The following NBAS variants were observed in gnomAD, a reference collection of about 807,000 sequenced individuals.
NBAS encodes NAG/BC035112 fusion.
In NBAS, 219 loss-of-function variants were observed where a neutral mutation model predicts 302.5. The observed-to-expected ratio is 0.72, with a 90% CI of 0.65 to 0.81. The LOEUF is 0.81. NBAS is among the 30% of genes least tolerant of loss of function. The pLI is 0.00. For synonymous variants in NBAS, 1,118 were observed against 1,021.6 expected (o/e 1.09, Z -1.80); for missense variants, 2,932 against 2,841.6 (o/e 1.03, Z -0.72).
At position 15,338,666 on chromosome 2, in the gene NBAS, CACACACAT is replaced by C. The variant is rs1407307254; in HGVS notation, c.4180-7909_4180-7902del. On this transcript the variant is annotated intron_variant, in intron 35 of 51. Coordinates refer to ENST00000281513, the MANE Select transcript of NBAS (RefSeq NM_015909.4). Reference sequence around the variant, plus strand: ...GCATGTGCACTCACATGAATACAAACACACACATACACACACACACACACACACACACA... The same window carrying C: ...GCATGTGCACTCACATGAATACAAACACACACACACACACACACACACACA... Among the ~76,000 whole-genome samples the C allele has an allele frequency of 1.0e-4, 12 of 119,376 alleles. No homozygotes were observed. The South Asian group carries it at 3.4e-3, about 33-fold the overall frequency. The allele number at this position is 119,376 out of a possible 152,430, so 78.3% of individuals were successfully genotyped here.
At chr2:15,011,007 C>T in the NBAS span, among the ~76,000 whole-genome samples, 2 of 152,090 alleles carry the variant, frequency 1.3e-5, no homozygotes, top group Non-Finnish European at 2.9e-5. Flanking sequence ...AATTTTCAAG[C>T]CATTGATTTG....
intron 12 of NBAS, among the ~76,000 whole-genome samples, chr2:15,480,295 C>T (rs1177548424): frequency 2.6e-5 from 4 of 151,634 alleles, no homozygotes; most frequent in Admixed American, 1.3e-4. Context: ...AAGCTATGAT[C>T]ACACCACCAC....
the NBAS span, among the ~76,000 whole-genome samples, chr2:14,973,377 G>A: frequency 1.2e-3 from 187 of 152,248 alleles, no homozygotes; most frequent in African/African-American, 4.2e-3. Context: ...CCTCTACGAA[G>A]AAATGACAAT....
intron 29 of NBAS, 134 bp from the exon 30 acceptor site, chr2:15,379,965 A>G (rs1254643516): frequency 1.4e-6 from 1 of 706,048 alleles, no homozygotes; most frequent in East Asian, 2.7e-5. Flanking sequence ...ACAGCACTGT[A>G]AATGTACTAA....
intron 50 of NBAS, among the ~76,000 whole-genome samples, chr2:15,180,859 G>A (rs1006832762): frequency 2.0e-5 from 3 of 152,186 alleles, no homozygotes; most frequent in Non-Finnish European, 4.4e-5. Flanking sequence ...TGCACATAGT[G>A]TAACTTTTGC....
chr2:15,276,884 G>T lies in NBAS; in HGVS notation c.5356C>A (p.Arg1786=), dbSNP rs556229592. 6.2e-7 allele frequency: 1 copy of T among 1,614,002 alleles called. No homozygotes were observed. The highest frequency in any genetic ancestry group is 8.5e-7 in the Non-Finnish European group (1 of 1,179,950). The change falls in exon 43 of 52, where the codon CGA becomes AGA. Residue 1786 remains arginine (R), a synonymous_variant. Coordinates refer to ENST00000281513, the MANE Select transcript of NBAS (RefSeq NM_015909.4). ...NCAIKPETHI[R]LLKKFKVVAS... is the part of the protein sequence containing the mutation. The stretch of plus-strand genomic sequence containing the variant: ...ACAACCTTAAACTTCTTCAGCAGTC[G>T]AATGTGGGTTTCTGGTTTAATGGCA...
the NBAS span, among the ~76,000 whole-genome samples, chr2:14,989,141 G>A: frequency 6.6e-6 from 1 of 152,070 alleles, no homozygotes; most frequent in Non-Finnish European, 1.5e-5. Flanking sequence ...CAGACAATAA[G>A]ATCATAGGTG....
intron 42 of NBAS, among the ~76,000 whole-genome samples, chr2:15,283,200 G>C (rs1669898873): frequency 6.6e-6 from 1 of 152,152 alleles, no homozygotes; most frequent in Non-Finnish European, 1.5e-5. Flanking sequence ...ATATCAGCCA[G>C]AAGCATCCTC....
At chr2:15,145,399 G>A in the NBAS span, among the ~76,000 whole-genome samples, 4 of 72,140 alleles carry the variant, frequency 5.5e-5, no homozygotes, top group African/African-American at 2.1e-4. Context: ...GTGTTTGTTT[G>A]TATGTGTGTG....
chr2:15,087,950 G>A, the NBAS span, among the ~76,000 whole-genome samples: 1 of 152,232 alleles, frequency 6.6e-6, no homozygotes, highest in Admixed American at 6.5e-5. Flanking sequence ...CACGCGGAGA[G>A]TGAAAATCGT....
intron 12 of NBAS, among the ~76,000 whole-genome samples, chr2:15,487,336 T>C (rs1680672026): frequency 6.6e-6 from 1 of 152,206 alleles, no homozygotes; most frequent in Admixed American, 6.5e-5. Flanking sequence ...ACTTCATGTA[T>C]TGTGCATCAA....
At chr2:15,158,043 C>A in the NBAS span, among the ~76,000 whole-genome samples, 1 of 152,170 alleles carries the variant, frequency 6.6e-6, no homozygotes, top group African/African-American at 2.4e-5. Context: ...ACCGGGGGGA[C>A]TCTCTGGACC....
intron 38 of NBAS, among the ~76,000 whole-genome samples, chr2:15,323,909 G>GA (rs35027092): frequency 0.059 from 8,287 of 141,410 alleles, 309 homozygotes; most frequent in African/African-American, 0.11. Context: ...CACAGTTTCT[G>GA]AAAAAAAAAA....
intron 40 of NBAS, among the ~76,000 whole-genome samples, chr2:15,294,873 A>G (rs1387182489): frequency 6.6e-6 from 1 of 152,024 alleles, no homozygotes; most frequent in African/African-American, 2.4e-5. Flanking sequence ...GTATATTCTC[A>G]CCTGGTGCTT....
the NBAS span, among the ~76,000 whole-genome samples, chr2:14,798,639 C>G: frequency 1.2e-4 from 18 of 151,986 alleles, no homozygotes; most frequent in African/African-American, 3.9e-4. Context: ...GGAACAGTTG[C>G]GTAGAATTGA....
rs962810474 is a variant in NBAS, at chr2:15,314,073, G to T, written c.4583-4826C>A. Among the ~76,000 whole-genome samples, 15 of 152,048 alleles carry T rather than the reference G, an allele frequency of 9.9e-5. 1 individual carries two copies. Among genetic ancestry groups the T allele is most frequent in the Non-Finnish European group, 2.1e-4 (14 of 68,032 alleles). The stretch of plus-strand genomic sequence containing the variant: ...AAATATAAAAAACAAGTATTAAAAG[G>T]CCGGGCATGGTGGCTCATGCCTGTA... On this transcript the variant is annotated intron_variant, in intron 38 of 51. Transcript: ENST00000281513.
chr2:14,832,584 T>C, the NBAS span, among the ~76,000 whole-genome samples: 1 of 152,080 alleles, frequency 6.6e-6, no homozygotes, highest in African/African-American at 2.4e-5. Flanking sequence ...CTTTCAATGA[T>C]CCCAGCCTCC....
At chr2:15,074,279 T>A in the NBAS span, among the ~76,000 whole-genome samples, 1 of 151,800 alleles carries the variant, frequency 6.6e-6, no homozygotes, top group Non-Finnish European at 1.5e-5. Flanking sequence ...ACTACCTTAT[T>A]CCTGTATAAA....
In NBAS at chr2:15,207,270, T is replaced by C. The variant is rs138670013; in HGVS notation, c.6432+11503A>G. 1.7e-3 allele frequency among the ~76,000 whole-genome samples: 253 copies of C among 152,276 alleles called. 2 individuals are homozygous for C. The highest frequency in any genetic ancestry group is 5.6e-3 in the African/African-American group (233 of 41,536). On this transcript the variant is annotated intron_variant, in intron 48 of 51. Coordinates refer to ENST00000281513, the MANE Select transcript of NBAS (RefSeq NM_015909.4). The stretch of plus-strand genomic sequence containing the variant: ...TTCAAACTTGCATGGGGCCTGTAGC[T>C]CCTTTGTTTTGGTCAATTTCTCCCA...
Sources: gnomAD v4.1 joint callset for allele counts (sites outside exome capture counted in the v4.1 genomes callset) on GRCh38, gnomAD v4.1.1 for gene constraint, MANE v1.5 for transcripts, NCBI Gene and HGNC (gene_info 2026-07-23, HGNC 2026-07-21) for gene names.